CNTN6: variants seen among roughly 807,000 people sequenced by gnomAD.
The protein encoded by CNTN6 is contactin-6.
A neutral mutation model predicts 122.8 loss-of-function variants in CNTN6; 137 were observed. That is an observed-to-expected ratio of 1.12 (90% CI 0.97 to 1.29). The LOEUF is 1.29. CNTN6 is among the 50% of genes most tolerant of loss of function. CNTN6 has a pLI of 0.00. For missense variants in CNTN6, 1,634 were observed against 1,223.4 expected, an observed-to-expected ratio of 1.34 and a Z score of -5.01; for synonymous variants, 570 against 426.0, an observed-to-expected ratio of 1.34 and a Z score of -4.16.
chr3:1,199,298 G>A (rs542357560), intron 2 of CNTN6, among the ~76,000 whole-genome samples: 1 of 149,808 alleles, frequency 6.7e-6, no homozygotes, highest in South Asian at 2.1e-4. Flanking sequence ...TCTCACCTCA[G>A]CCTCCCTAGT....
intron 3 of CNTN6, among the ~76,000 whole-genome samples, chr3:1,226,255 G>T (rs2094282043): frequency 6.6e-6 from 1 of 151,966 alleles, no homozygotes; most frequent in Admixed American, 6.6e-5. Flanking sequence ...ATATGATTTT[G>T]GTATAAAGGG....
chr3:1,187,061 G>A (rs2093638041), intron 2 of CNTN6, among the ~76,000 whole-genome samples: 1 of 152,052 alleles, frequency 6.6e-6, no homozygotes, highest in Admixed American at 6.6e-5. Context: ...CCCAACACGA[G>A]GATTTTTACC....
rs1425025462 is a variant in CNTN6 at position 1,372,458 on chromosome 3, T to C, written c.1652T>C (p.Phe551Ser). The C allele has an allele frequency of 6.2e-7, 1 of 1,610,808 alleles. No individual in the cohort carries two copies. The highest frequency in any genetic ancestry group is 8.5e-7 in the Non-Finnish European group (1 of 1,178,822). The change falls in exon 13 of 23, where the codon TTT (phenylalanine) becomes TCT (serine). Residue 551 changes from phenylalanine (F) to serine (S), a missense_variant. Physicochemically the swap from Phe to Ser is radical, Grantham distance 155. Coordinates refer to ENST00000446702, the MANE Select transcript of CNTN6 (RefSeq NM_001289080.2). The stretch of plus-strand genomic sequence containing the variant: ...GACTTAAAAAAAGGAGTGGCTCATT[T>C]TGAAAGGATTGGAGGAGTAAGTTAC... ...VIDLKKGVAHFERIGGESVGD... is the reference protein window; with the variant it reads ...VIDLKKGVAHSERIGGESVGD...
At chr3:1,192,581 T>A (rs2093717798) in intron 2 of CNTN6, among the ~76,000 whole-genome samples, 1 of 152,082 alleles carries the variant, frequency 6.6e-6, no homozygotes, top group African/African-American at 2.4e-5. Context: ...AGAAGTTCTG[T>A]TCTTCTGGAG....
intron 20 of CNTN6, 64 bp downstream of exon 20, chr3:1,385,861 G>C (rs542146006): frequency 2.3e-4 from 323 of 1,408,500 alleles, no homozygotes; most frequent in Admixed American, 1.7e-3. Flanking sequence ...TCCTTTGCTT[G>C]ATGTTCATTT....
intron 4 of CNTN6, among the ~76,000 whole-genome samples, chr3:1,243,688 C>T (rs1458399813): frequency 6.6e-6 from 1 of 152,092 alleles, no homozygotes. Flanking sequence ...TTGACTATGC[C>T]TTTGGCTCCA....
chr3:1,396,913 G>A (rs17038660), intron 20 of CNTN6, among the ~76,000 whole-genome samples: 2,090 of 152,278 alleles, frequency 0.014, 49 homozygotes, highest in African/African-American at 0.048. Context: ...AAAAAATTCT[G>A]CATTCAGCAC....
chr3:1,329,950 A>T lies in CNTN6; in HGVS notation c.1364+15A>T. On this transcript the variant is annotated intron_variant, in intron 11 of 22. Transcript: ENST00000446702. The stretch of plus-strand genomic sequence containing the variant: ...CAAAGCAAAAGGTAAACAAATCTTT[A>T]TTTTTAAAAATATTTTTGTTTGTAA... 6.6e-7 allele frequency: 1 copy of T among 1,507,682 alleles called. No individual in the cohort carries two copies. The highest frequency in any genetic ancestry group is 8.8e-7 in the Non-Finnish European group (1 of 1,131,224). The allele number at this position is 1,507,682 out of a possible 1,614,324, so 93.4% of individuals were successfully genotyped here.
At chr3:1,202,525 A>C (rs570004915) in intron 2 of CNTN6, among the ~76,000 whole-genome samples, 1 of 149,054 alleles carries the variant, frequency 6.7e-6, no homozygotes, top group Admixed American at 6.7e-5. Context: ...TGGGCGACAG[A>C]GCCAGACTCC....
At position 1,383,011 on chromosome 3, in the gene CNTN6, A is replaced by G. The variant is rs1183701234; in HGVS notation, c.2236A>G (p.Thr746Ala). The G allele has an allele frequency of 1.2e-6, 2 of 1,614,158 alleles. No individual in the cohort carries two copies. The highest frequency in any genetic ancestry group is 1.7e-6 in the Non-Finnish European group (2 of 1,179,976). The change falls in exon 18 of 23, where the codon ACA becomes GCA. Residue 746 changes from threonine (T) to alanine (A), a missense_variant. By Grantham distance (58) the Thr-to-Ala change is moderately conservative. Transcript: ENST00000446702. ...YIIMFRPVGS[T>A]TWSKEKVSSV... is the part of the protein sequence containing the mutation. The stretch of plus-strand genomic sequence containing the variant: ...CATCATGTTCCGGCCAGTGGGCTCG[A>G]CAACCTGGTCCAAGGAGAAAGTGTC...
intron 16 of CNTN6, among the ~76,000 whole-genome samples, chr3:1,374,899 C>T (rs1045968362): frequency 3.3e-5 from 5 of 152,056 alleles, no homozygotes; most frequent in African/African-American, 1.2e-4. Flanking sequence ...AAAGGACATA[C>T]TTGACAGTGA....
chr3:1,395,154 C>A (rs1694830274), intron 20 of CNTN6, among the ~76,000 whole-genome samples: 1 of 152,142 alleles, frequency 6.6e-6, no homozygotes, highest in African/African-American at 2.4e-5. Context: ...GTCTCCATCC[C>A]TTTGCATTTA....
chr3:1,191,483 G>A (rs11925594), intron 2 of CNTN6, among the ~76,000 whole-genome samples: 32,819 of 152,072 alleles, frequency 0.22, 3,920 homozygotes, highest in African/African-American at 0.31. Flanking sequence ...GGTGGGTGGT[G>A]CACCCCAACT....
chr3:1,213,735 C>T (rs189063394), intron 2 of CNTN6, among the ~76,000 whole-genome samples: 9 of 151,636 alleles, frequency 5.9e-5, no homozygotes, highest in Non-Finnish European at 1.0e-4. Context: ...TTACTTTTAA[C>T]GTCAAGATTA....
At chr3:1,291,038 C>T (rs1278738874) in intron 5 of CNTN6, among the ~76,000 whole-genome samples, 1 of 152,136 alleles carries the variant, frequency 6.6e-6, no homozygotes, top group African/African-American at 2.4e-5. Flanking sequence ...GATGGAGTTG[C>T]TCTGGTTCAA....
chr3:1,381,038 C>CT (rs1346976581), intron 17 of CNTN6, among the ~76,000 whole-genome samples: 2 of 152,080 alleles, frequency 1.3e-5, no homozygotes, highest in Non-Finnish European at 2.9e-5. Context: ...AAATAAGTCT[C>CT]TTTTTTCCCC....
chr3:1,402,282 C>T, intron 21 of CNTN6, 36 bp from the exon 22 acceptor site: 1 of 1,560,670 alleles, frequency 6.4e-7, no homozygotes, highest in Non-Finnish European at 8.7e-7. Context: ...AGAAAAGCAA[C>T]ATGTCCATGT....
rs144325893 is a variant in CNTN6, at chr3:1,105,387, C to T, written c.-83+12267C>T. Reference sequence around the variant, plus strand: ...TTGATATTTTACATTTTTTCTTATGCTCAGGAAGTTCATCAGATATCGGTG... The same window carrying T: ...TTGATATTTTACATTTTTTCTTATGTTCAGGAAGTTCATCAGATATCGGTG... On this transcript the variant is annotated intron_variant, in intron 1 of 22. Coordinates refer to ENST00000446702, the MANE Select transcript of CNTN6 (RefSeq NM_001289080.2). Among the ~76,000 whole-genome samples, 645 of 152,150 alleles carry T rather than the reference C, an allele frequency of 4.2e-3. 4 individuals carry two copies. Among genetic ancestry groups the T allele is most frequent in the African/African-American group, 0.015 (624 of 41,532 alleles).
At chr3:1,379,485 G>A (rs1264003588) in intron 17 of CNTN6, among the ~76,000 whole-genome samples, 2 of 152,034 alleles carry the variant, frequency 1.3e-5, no homozygotes, top group Admixed American at 1.3e-4. Context: ...TCACTACCTG[G>A]GTGACGGGAT....
Sources: gnomAD v4.1 joint callset for allele counts (sites outside exome capture counted in the v4.1 genomes callset) on GRCh38, gnomAD v4.1.1 for gene constraint, MANE v1.5 for transcripts, NCBI Gene and HGNC (gene_info 2026-07-23, HGNC 2026-07-21) for gene names.